FAM210A: variants seen among roughly 807,000 people sequenced by gnomAD.
FAM210A encodes mitochondrial inner membrane scaffold 1, also known as family with sequence similarity 210 member A.
FAM210A carries 13 observed loss-of-function variants against 25.3 expected under a neutral mutation model. That is an observed-to-expected ratio of 0.51 (90% confidence interval 0.33 to 0.82). FAM210A has a LOEUF of 0.82. Among genes scored for constraint, FAM210A ranks in the 40% least tolerant of loss-of-function variants. FAM210A has a pLI of 0.02. For missense variants in FAM210A, 319 were observed against 323.2 expected (o/e 0.99, Z 0.10); for synonymous variants, 125 against 118.7 (o/e 1.05, Z -0.35).
rs2043375555 is a variant in FAM210A at position 13,663,423 on chromosome 18, T to C, written c.*3057A>G. 1 of 152,112 alleles carries C rather than the reference T, an allele frequency of 6.6e-6. No individual in the cohort carries two copies. Among genetic ancestry groups the C allele is most frequent in the South Asian group, 2.1e-4 (1 of 4,822 alleles). 9.4% of individuals were successfully genotyped at this position (152,112 alleles called of 1,614,324 possible). A position where few individuals can be genotyped will look rare whatever the true frequency, so the allele number is the denominator to read the frequency against. On this transcript the variant is annotated 3_prime_UTR_variant, in exon 4 of 4. Transcript: ENST00000651643. ...CTCAGTATAAGCATTCTTTTTCTCC[T>C]TTCTTGAAATCTGTAAACAGCACCC...
At position 13,681,655 on chromosome 18, in the gene FAM210A, A is replaced by G; in HGVS notation, c.423T>C (p.His141=). The part of the protein sequence containing the change: ...RQYGKVLIPV[H]LITSGVWFGT... ...CAAACCAAACACCAGAAGTTATTAG[A>G]TGCACTGGAATCAGAACTTTTCCAT... The change falls in exon 2 of 4, where the codon CAT becomes CAC. Residue 141 remains histidine (H), a synonymous_variant. Transcript: ENST00000651643. 6.2e-7 allele frequency: 1 copy of G among 1,612,962 alleles called. No individual in the cohort carries two copies. Among genetic ancestry groups the G allele is most frequent in the South Asian group, 1.1e-5 (1 of 90,666 alleles).
intron 1 of FAM210A, among the ~76,000 whole-genome samples, chr18:13,693,100 T>C (rs1601954783): frequency 6.6e-6 from 1 of 152,180 alleles, no homozygotes; most frequent in Non-Finnish European, 1.5e-5. Flanking sequence ...CAAACTACCA[T>C]CGGAGAATAC....
chr18:13,673,732 G>A (rs1219338433), intron 2 of FAM210A, among the ~76,000 whole-genome samples: 1 of 134,062 alleles, frequency 7.5e-6, no homozygotes, highest in East Asian at 2.3e-4. Flanking sequence ...CCTGAGCCCC[G>A]ACTTATTTCC....
intron 3 of FAM210A, among the ~76,000 whole-genome samples, chr18:13,670,544 C>T (rs1458303920): frequency 6.6e-6 from 1 of 151,888 alleles, no homozygotes; most frequent in African/African-American, 2.4e-5. Flanking sequence ...AATAAAACAT[C>T]TAGTTTCTGT....
chr18:13,690,059 A>C (rs1325645738), intron 1 of FAM210A, among the ~76,000 whole-genome samples: 2 of 152,188 alleles, frequency 1.3e-5, no homozygotes, highest in East Asian at 3.9e-4. Context: ...CTCCCACCCT[A>C]ATACTGCGCT....
intron 3 of FAM210A, among the ~76,000 whole-genome samples, chr18:13,669,331 G>T (rs1002358457): frequency 3.3e-5 from 5 of 152,134 alleles, no homozygotes; most frequent in Admixed American, 1.3e-4. Flanking sequence ...TGTCCTCAGG[G>T]TAAAAAGCAA....
intron 1 of FAM210A, among the ~76,000 whole-genome samples, chr18:13,724,923 G>A (rs1023281947): frequency 1.3e-5 from 2 of 152,124 alleles, no homozygotes; most frequent in South Asian, 2.1e-4. Context: ...ACAGGCACGC[G>A]CCACCACGCC....
At position 13,681,870 on chromosome 18, in the gene FAM210A, G is replaced by A; in HGVS notation, c.208C>T (p.Pro70Ser). The change falls in exon 2 of 4, where the codon CCA becomes TCA. Residue 70 changes from proline to serine, a missense_variant. Transcript: ENST00000651643. ...AAQCVAKERR[P>S]LDAHPPQPGV... ...GGTTGGGGTGGATGAGCATCCAATGGCCTCCTTTCCTTTGCAACACACTGG... is the reference window on the plus strand; with the variant it reads ...GGTTGGGGTGGATGAGCATCCAATGACCTCCTTTCCTTTGCAACACACTGG... 2 of 1,614,136 alleles carry A rather than the reference G, an allele frequency of 1.2e-6. No individual in the cohort carries two copies. The highest frequency in any genetic ancestry group is 1.7e-5 in the Admixed American group (1 of 60,020).
intron 2 of FAM210A, among the ~76,000 whole-genome samples, chr18:13,674,088 T>C (rs77221597): frequency 1.3e-5 from 2 of 148,416 alleles, no homozygotes; most frequent in Non-Finnish European, 3.0e-5. Context: ...TCCTGAGCCC[T>C]GGCTTCTTTA....
rs970259511 is a variant in FAM210A, at chr18:13,670,300, C to T, written c.585+1562G>A. Reference sequence around the variant, plus strand: ...CATCAGCATGATAGTTTGACTTACTCGGGTTAAAATTATACCCACCATAAT... The same window carrying T: ...CATCAGCATGATAGTTTGACTTACTTGGGTTAAAATTATACCCACCATAAT... On this transcript the variant is annotated intron_variant, in intron 3 of 3. Transcript: ENST00000651643. Among the ~76,000 whole-genome samples the T allele has an allele frequency of 7.9e-5, 12 of 152,256 alleles. No individual in the cohort carries two copies. The East Asian group carries it at 2.1e-3, about 27-fold the overall frequency.
At chr18:13,725,658 C>T (rs2043936224) in intron 1 of FAM210A, among the ~76,000 whole-genome samples, 1 of 152,188 alleles carries the variant, frequency 6.6e-6, no homozygotes, top group Non-Finnish European at 1.5e-5. Flanking sequence ...AATAATCTAT[C>T]CACAGGTAGT....
At chr18:13,701,366 T>A (rs1315682219) in intron 1 of FAM210A, among the ~76,000 whole-genome samples, 3 of 152,214 alleles carry the variant, frequency 2.0e-5, no homozygotes, top group African/African-American at 7.2e-5. Flanking sequence ...ATTAACTGGT[T>A]TGGATCCAGT....
chr18:13,689,460 A>C (rs1342171211), intron 1 of FAM210A, among the ~76,000 whole-genome samples: 3 of 152,236 alleles, frequency 2.0e-5, no homozygotes, highest in Non-Finnish European at 4.4e-5. Flanking sequence ...ATTCATGATT[A>C]AAAACAAATT....
At chr18:13,716,767 A>T (rs2043864925) in intron 1 of FAM210A, among the ~76,000 whole-genome samples, 1 of 152,112 alleles carries the variant, frequency 6.6e-6, no homozygotes, top group Non-Finnish European at 1.5e-5. Context: ...CTGCCTTGTG[A>T]AGAAGGTGCC....
intron 1 of FAM210A, among the ~76,000 whole-genome samples, chr18:13,690,067 G>C (rs539431498): frequency 6.6e-6 from 1 of 152,214 alleles, no homozygotes; most frequent in Non-Finnish European, 1.5e-5. Flanking sequence ...CTAATACTGC[G>C]CTTTTCCAAC....
At chr18:13,702,400 T>A (rs182589602) in intron 1 of FAM210A, among the ~76,000 whole-genome samples, 12 of 152,352 alleles carry the variant, frequency 7.9e-5, no homozygotes, top group Admixed American at 7.8e-4. Context: ...TGAAACCCCA[T>A]AAGCCCGCTG....
intron 1 of FAM210A, among the ~76,000 whole-genome samples, chr18:13,702,166 C>T (rs2043746086): frequency 6.6e-6 from 1 of 152,204 alleles, no homozygotes; most frequent in Admixed American, 6.5e-5. Flanking sequence ...GCCTGGCATG[C>T]CAGCAAAAGG....
rs140179532 is a variant in FAM210A at position 13,681,788 on chromosome 18, G to A, written c.290C>T (p.Ser97Leu). 2.2e-5 allele frequency: 36 copies of A among 1,614,038 alleles called. No homozygotes were observed. Among genetic ancestry groups the A allele is most frequent in the Non-Finnish European group, 3.0e-5 (35 of 1,180,036 alleles). Residue 97 changes from serine to leucine, a missense_variant, in exon 2 of 4, where the codon TCA becomes TTA. Ser to Leu is a moderately radical substitution (Grantham distance 145). Transcript: ENST00000651643. ...KQHVSFRRVFSSSATAQGTPE... is the reference protein window; with the variant it reads ...KQHVSFRRVFLSSATAQGTPE... The stretch of plus-strand genomic sequence containing the variant: ...AGTTCCCTGAGCTGTGGCACTGGAT[G>A]AAAAAACCCTCCTGAATGAAACATG...
Position 13,674,626 on chromosome 18 carries a change from A to G in FAM210A, c.474-2653T>C, listed in dbSNP as rs536974025. On this transcript the variant is annotated intron_variant, in intron 2 of 3. Transcript: ENST00000651643. Reference sequence around the variant, plus strand: ...CTGATTATTAACATTCCTGAGCCCTAGCTTCTTGATTTCCAGTTTCCTGAT... The same window carrying G: ...CTGATTATTAACATTCCTGAGCCCTGGCTTCTTGATTTCCAGTTTCCTGAT... 3.6e-4 allele frequency among the ~76,000 whole-genome samples: 2 copies of G among 5,514 alleles called. 1 individual carries two copies. Among genetic ancestry groups the G allele is most frequent in the Admixed American group, 4.5e-3 (2 of 448 alleles). 3.6% of individuals were successfully genotyped at this position (5,514 alleles called of 152,430 possible).
Sources: gnomAD v4.1 joint callset for allele counts (sites outside exome capture counted in the v4.1 genomes callset) on GRCh38, gnomAD v4.1.1 for gene constraint, MANE v1.5 for transcripts, NCBI Gene and HGNC (gene_info 2026-07-23, HGNC 2026-07-21) for gene names.